LAMTOR3: variants seen among roughly 807,000 people sequenced by gnomAD.
LAMTOR3 encodes the protein ragulator complex protein LAMTOR3.
Under a neutral mutation model 20.3 loss-of-function variants are expected in LAMTOR3, and 14 were observed. The observed-to-expected ratio is 0.69, with a 90% CI of 0.46 to 1.08. LAMTOR3 has a LOEUF of 1.08. Ranked by LOEUF, LAMTOR3 falls within the 50% of genes least tolerant of loss-of-function variation. The pLI is 0.00. For synonymous variants in LAMTOR3, 40 were observed against 49.4 expected (o/e 0.81, Z 0.80); for missense variants, 125 against 143.7 (o/e 0.87, Z 0.67).
Position 99,884,038 on chromosome 4 carries a change from G to A in LAMTOR3, c.301+24C>T, listed in dbSNP as rs757594021. 3 of 1,472,196 alleles carry A rather than the reference G, an allele frequency of 2.0e-6. No individual in the cohort carries two copies. The Admixed American group carries it at 5.1e-5, about 25-fold the overall frequency. The allele number at this position is 1,472,196 out of a possible 1,614,324, so 91.2% of individuals were successfully genotyped here. A position where few individuals can be genotyped will look rare whatever the true frequency, so the allele number is the denominator to read the frequency against. On this transcript the variant is annotated intron_variant, in intron 6 of 6. Transcript: ENST00000499666. Reference sequence around the variant, plus strand: ...ATTTTTTAAAATTAAGGATTAAAGTGATATTTAAGGTCATTAAACACACCT... The same window carrying A: ...ATTTTTTAAAATTAAGGATTAAAGTAATATTTAAGGTCATTAAACACACCT...
At chr4:99,892,424 A>G (rs1318737544) in intron 2 of LAMTOR3, among the ~76,000 whole-genome samples, 3 of 152,186 alleles carry the variant, frequency 2.0e-5, no homozygotes, top group Non-Finnish European at 2.9e-5. Context: ...AAGACGTTAT[A>G]AACACCTTTC....
At chr4:99,889,454 T>C (rs11945303) in intron 3 of LAMTOR3, among the ~76,000 whole-genome samples, 41,557 of 152,076 alleles carry the variant, frequency 0.27, 6,196 homozygotes, top group African/African-American at 0.39. Flanking sequence ...AAGTTCTCTA[T>C]GTACCAGGAA....
At position 99,881,766 on chromosome 4, in the gene LAMTOR3, T is replaced by C. The variant is rs1243538595; in HGVS notation, c.*228A>G. On this transcript the variant is annotated 3_prime_UTR_variant, in exon 7 of 7. Transcript: ENST00000499666. ...ATGGGAGCTGTGATAGACTGAACCATTTCTGTGGTATCCCTAGATCTCACT... is the reference window on the plus strand; with the variant it reads ...ATGGGAGCTGTGATAGACTGAACCACTTCTGTGGTATCCCTAGATCTCACT... 2.1e-6 allele frequency: 1 copy of C among 481,206 alleles called. No individual in the cohort carries two copies. Among genetic ancestry groups the C allele is most frequent in the East Asian group, 4.1e-5 (1 of 24,396 alleles). The allele number at this position is 481,206 out of a possible 1,614,324, so 29.8% of individuals were successfully genotyped here. A position where few individuals can be genotyped will look rare whatever the true frequency, so the allele number is the denominator to read the frequency against.
In LAMTOR3 at chr4:99,881,854, T is replaced by C. The variant is rs1164136905; in HGVS notation, c.*140A>G. On this transcript the variant is annotated 3_prime_UTR_variant, in exon 7 of 7. Coordinates refer to ENST00000499666, the MANE Select transcript of LAMTOR3 (RefSeq NM_021970.4). ...GATCTATCTATAAATTACATCTATA[T>C]GCTAGCTCTTTAGTATAAGTTGGAA... The C allele has an allele frequency of 3.1e-6, 2 of 642,570 alleles. No individual in the cohort carries two copies. The highest frequency in any genetic ancestry group is 2.9e-5 in the East Asian group (1 of 34,578). The allele number at this position is 642,570 out of a possible 1,614,324, so 39.8% of individuals were successfully genotyped here. A position where few individuals can be genotyped will look rare whatever the true frequency, so the allele number is the denominator to read the frequency against.
intron 6 of LAMTOR3, 136 bp downstream of exon 6, chr4:99,883,926 A>G: frequency 1.6e-6 from 1 of 622,818 alleles, no homozygotes; most frequent in Non-Finnish European, 2.8e-6. Context: ...AGACATGGAA[A>G]AAAGACAGTG....
At chr4:99,884,164 T>C (rs749431669) in intron 5 of LAMTOR3, 39 bp from the exon 6 acceptor site, 12 of 1,486,548 alleles carry the variant, frequency 8.1e-6, no homozygotes, top group East Asian at 2.3e-5. Context: ...TGTTGCATTA[T>C]GAAAAGGTAG....
intron 6 of LAMTOR3, among the ~76,000 whole-genome samples, chr4:99,882,932 C>T: frequency 6.6e-6 from 1 of 151,930 alleles, no homozygotes; most frequent in East Asian, 1.9e-4. Flanking sequence ...TCAAACAGAG[C>T]CTGTTTTATG....
chr4:99,881,939 A>G lies in LAMTOR3; in HGVS notation c.*55T>C. ...ATTATTGTAGTCTAAAGATTGCTGGATTGATATTGTGTTGTTATAATGAAG... is the reference window on the plus strand; with the variant it reads ...ATTATTGTAGTCTAAAGATTGCTGGGTTGATATTGTGTTGTTATAATGAAG... On this transcript the variant is annotated 3_prime_UTR_variant, in exon 7 of 7. Transcript: ENST00000499666. The G allele has an allele frequency of 8.4e-7, 1 of 1,189,934 alleles. No individual in the cohort carries two copies. Among genetic ancestry groups the G allele is most frequent in the Non-Finnish European group, 1.2e-6 (1 of 803,934 alleles). 73.7% of individuals were successfully genotyped at this position (1,189,934 alleles called of 1,614,324 possible).
intron 3 of LAMTOR3, among the ~76,000 whole-genome samples, chr4:99,890,428 G>GT (rs2110182852): frequency 6.6e-6 from 1 of 152,308 alleles, no homozygotes; most frequent in Non-Finnish European, 1.5e-5. Flanking sequence ...AGGTACAACA[G>GT]TTAAAAGCAT....
chr4:99,884,305 A>G (rs904168095), intron 5 of LAMTOR3, among the ~76,000 whole-genome samples, 180 bp from the exon 6 acceptor site: 2 of 152,232 alleles, frequency 1.3e-5, no homozygotes, highest in African/African-American at 4.8e-5. Context: ...ATAAAACAGA[A>G]TTAGTGATGA....
chr4:99,894,532 G>GCGCCC (rs1414183671), upstream of LAMTOR3: 9 of 150,918 alleles, frequency 6.0e-5, 1 homozygote, highest in African/African-American at 9.7e-5. Flanking sequence ...TCCGGCGGCC[G>GCGCCC]CGCCCCTCCC....
At chr4:99,887,647 T>A (rs545252453) in intron 3 of LAMTOR3, among the ~76,000 whole-genome samples, 3 of 152,196 alleles carry the variant, frequency 2.0e-5, no homozygotes, top group Admixed American at 2.0e-4. Context: ...CACAAAAGCA[T>A]GAAAGATTAT....
chr4:99,894,199 A>AC (rs1211310328), intron 1 of LAMTOR3, 136 bp downstream of exon 1: 2 of 397,614 alleles, frequency 5.0e-6, no homozygotes, highest in East Asian at 3.6e-5. Context: ...ACCTCAGCCC[A>AC]CCCCATCCCT....
intron 1 of LAMTOR3, 69 bp from the exon 2 acceptor site, chr4:99,894,069 C>T (rs781051156): frequency 2.0e-5 from 21 of 1,028,268 alleles, no homozygotes; most frequent in Non-Finnish European, 2.9e-5. Context: ...CAACTTAATA[C>T]GCGAGATCAG....
chr4:99,883,866 C>G (rs1315850635), intron 6 of LAMTOR3, among the ~76,000 whole-genome samples, 196 bp downstream of exon 6: 2 of 151,356 alleles, frequency 1.3e-5, no homozygotes, highest in African/African-American at 4.8e-5. Context: ...CATATATTAT[C>G]TCCATTATAC....
chr4:99,886,710 A>G (rs1390643313), intron 4 of LAMTOR3, among the ~76,000 whole-genome samples: 2 of 152,210 alleles, frequency 1.3e-5, no homozygotes, highest in Non-Finnish European at 2.9e-5. Flanking sequence ...CAAAATATAC[A>G]GAACATTATC....
At chr4:99,890,324 A>C (rs562483911) in intron 3 of LAMTOR3, among the ~76,000 whole-genome samples, 1 of 152,330 alleles carries the variant, frequency 6.6e-6, no homozygotes, top group African/African-American at 2.4e-5. Context: ...TTGCAAATAC[A>C]AGAACGATAT....
At position 99,880,796 on chromosome 4, in the gene LAMTOR3, T is replaced by C. The variant is rs554486482; in HGVS notation, c.*1198A>G. Reference sequence around the variant, plus strand: ...GACTGGCACACAGGTGCTCAATGCATATGTACTGAACTGATCCAGGGAAAA... The same window carrying C: ...GACTGGCACACAGGTGCTCAATGCACATGTACTGAACTGATCCAGGGAAAA... On this transcript the variant is annotated 3_prime_UTR_variant, in exon 7 of 7. Coordinates refer to ENST00000499666, the MANE Select transcript of LAMTOR3 (RefSeq NM_021970.4). 6.6e-6 allele frequency: 1 copy of C among 152,356 alleles called. No homozygotes were observed. Among genetic ancestry groups the C allele is most frequent in the East Asian group, 1.9e-4 (1 of 5,192 alleles). 9.4% of individuals were successfully genotyped at this position (152,356 alleles called of 1,614,324 possible).
chr4:99,883,931 A>G (rs1456773294), intron 6 of LAMTOR3, 131 bp downstream of exon 6: 2 of 629,218 alleles, frequency 3.2e-6, no homozygotes, highest in Non-Finnish European at 5.6e-6. Context: ...TGGAAAAAAG[A>G]CAGTGAAACT....
Sources: gnomAD v4.1 joint callset for allele counts (sites outside exome capture counted in the v4.1 genomes callset) on GRCh38, gnomAD v4.1.1 for gene constraint, MANE v1.5 for transcripts, NCBI Gene and HGNC (gene_info 2026-07-23, HGNC 2026-07-21) for gene names.